MZF1: variants seen among roughly 807,000 people sequenced by gnomAD.
The protein encoded by MZF1 is myeloid zinc finger 1, also known as zinc finger and SCAN domain-containing protein 6.
In MZF1, 24 loss-of-function variants were observed where a neutral mutation model predicts 28.6. The ratio of observed to expected loss-of-function variants is 0.84; its 90% CI spans 0.61 to 1.18. MZF1 has a LOEUF of 1.18. MZF1 is among the 50% of genes most tolerant of loss of function. The probability of loss-of-function intolerance (pLI) is 0.00; values close to 1 mark genes in which losing one functional copy is unlikely to be tolerated. For missense variants in MZF1, 1,166 were observed against 1,026.4 expected (o/e 1.14, Z -1.86); for synonymous variants, 516 against 432.5 (o/e 1.19, Z -2.40).
At position 58,570,504 on chromosome 19, in the gene MZF1, C is replaced by T; in HGVS notation, c.420G>A (p.Gln140=). ...GCTCCATCTTCTCTGATAGGACCTC[C>T]TGGCCCTGCACCTGGACTGTGACCT... ...RRWVTVQVQG[Q]EVLSEKMEPS... Residue 140 remains glutamine, a synonymous_variant, in exon 3 of 6, where the codon CAG becomes CAA. Transcript: ENST00000215057. 1 of 1,613,488 alleles carries T rather than the reference C, an allele frequency of 6.2e-7. No homozygotes were observed. Among genetic ancestry groups the T allele is most frequent in the Non-Finnish European group, 8.5e-7 (1 of 1,179,622 alleles).
At chr19:58,568,133 T>C (rs560512479) in intron 5 of MZF1, 2 of 152,222 alleles carry the variant, frequency 1.3e-5, no homozygotes, top group East Asian at 3.9e-4. Flanking sequence ...CAGTCCCAGA[T>C]ACTTGGGAGG....
intron 5 of MZF1, among the ~76,000 whole-genome samples, chr19:58,565,531 G>C (rs946665347): frequency 6.8e-6 from 1 of 147,776 alleles, no homozygotes; most frequent in Non-Finnish European, 1.5e-5. Context: ...CGCCCAGCCC[G>C]TGTGTGTGTG....
In MZF1 at chr19:58,571,445, G is replaced by C. The variant is rs752949451; in HGVS notation, c.-40-16C>G. 8 of 1,601,062 alleles carry C rather than the reference G, an allele frequency of 5.0e-6. No homozygotes were observed. In the African/African-American group the frequency reaches 1.1e-4, roughly 21 times the overall value. Reference sequence around the variant, plus strand: ...GTGTCTGCCCCTGGTGAAGAAATAGGATGAGGCTGTTGCAAAAGGAGTACA... The same window carrying C: ...GTGTCTGCCCCTGGTGAAGAAATAGCATGAGGCTGTTGCAAAAGGAGTACA... On this transcript the variant is annotated splice_polypyrimidine_tract_variant and intron_variant, in intron 1 of 5. Transcript: ENST00000215057.
At chr19:58,566,049 G>C (rs1051293525) in intron 5 of MZF1, among the ~76,000 whole-genome samples, 20 of 151,740 alleles carry the variant, frequency 1.3e-4, no homozygotes, top group African/African-American at 4.8e-4. Context: ...GCTGAGGCAG[G>C]AGAATGTCGT....
rs905991229 is a variant in MZF1 at position 58,562,765 on chromosome 19, C to T, written c.1512G>A (p.Gln504=). Residue 504 remains glutamine, a synonymous_variant, in exon 6 of 6, where the codon CAG becomes CAA. Transcript: ENST00000215057. ...FARRAVLLEH[Q]AVHTGDKSFG... is the part of the protein sequence containing the mutation. Reference sequence around the variant, plus strand: ...AGGACTTGTCGCCCGTGTGTACCGCCTGGTGCTCCAGCAGCACGGCGCGCC... The same window carrying T: ...AGGACTTGTCGCCCGTGTGTACCGCTTGGTGCTCCAGCAGCACGGCGCGCC... 3.3e-6 allele frequency: 5 copies of T among 1,535,722 alleles called. No individual in the cohort carries two copies. Among genetic ancestry groups the T allele is most frequent in the Non-Finnish European group, 4.4e-6 (5 of 1,146,990 alleles).
At chr19:58,564,344 A>T (rs1386492201) in intron 5 of MZF1, 3 of 152,230 alleles carry the variant, frequency 2.0e-5, no homozygotes, top group African/African-American at 7.2e-5. Flanking sequence ...AAAAAAAATT[A>T]AAAAAGGACA....
rs754088128 is a variant in MZF1, at chr19:58,570,977, C to T, written c.396+17G>A. 3.0e-5 allele frequency: 48 copies of T among 1,589,220 alleles called. No individual in the cohort carries two copies. Among genetic ancestry groups the T allele is most frequent in the Non-Finnish European group, 3.9e-5 (46 of 1,166,932 alleles). ...TGATGCTCCAGTCCTGAACCCCACT[C>T]GTGGACACTCACTCACCCATCTCCG... On this transcript the variant is annotated intron_variant, in intron 2 of 5. Coordinates refer to ENST00000215057, the MANE Select transcript of MZF1 (RefSeq NM_198055.2).
chr19:58,570,110 A>T (rs2054130241), intron 3 of MZF1: 1 of 463,962 alleles, frequency 2.2e-6, no homozygotes, highest in African/African-American at 2.0e-5. Context: ...GCTCCATGCC[A>T]TGGGGTTCGT....
rs757712069 is a variant in MZF1 at position 58,571,227 on chromosome 19, C to T, written c.163G>A (p.Ala55Thr). 1 of 1,612,566 alleles carries T rather than the reference C, an allele frequency of 6.2e-7. No individual in the cohort carries two copies. Among genetic ancestry groups the T allele is most frequent in the South Asian group, 1.1e-5 (1 of 90,906 alleles). ...GCCAGGGCCTCTTGGGGCCCTGTGG[C>T]CTCCTCATAGCGGAAGCACCGGAAA... ...LRFRCFRYEE[A>T]TGPQEALAQL... The change falls in exon 2 of 6, where the codon GCC becomes ACC. Residue 55 changes from alanine (A) to threonine (T), a missense_variant. Coordinates refer to ENST00000215057, the MANE Select transcript of MZF1 (RefSeq NM_198055.2).
intron 1 of MZF1, chr19:58,572,594 G>A (rs1342351864): frequency 3.1e-6 from 4 of 1,289,756 alleles, no homozygotes; most frequent in Non-Finnish European, 4.0e-6. Flanking sequence ...CTTTAGGAAG[G>A]AATCTGCGTT....
intron 5 of MZF1, among the ~76,000 whole-genome samples, chr19:58,565,392 C>A (rs2054028222): frequency 1.4e-5 from 2 of 146,500 alleles, no homozygotes; most frequent in South Asian, 4.1e-4. Flanking sequence ...CCGCACCTAG[C>A]CAATTTTTTG....
Position 58,562,159 on chromosome 19 carries a change from C to T in MZF1, c.2118G>A (p.Glu706=), listed in dbSNP as rs1317803780. ...LTQHLRTHRR[E]KPFACQDCGR... ...CACAGTCCTGGCAGGCGAAGGGCTT[C>T]TCTCGTCGGTGGGTGCGCAGATGCT... The change falls in exon 6 of 6, where the codon GAG becomes GAA. Residue 706 remains glutamate (E), a synonymous_variant. Coordinates refer to ENST00000215057, the MANE Select transcript of MZF1 (RefSeq NM_198055.2). 5.0e-6 allele frequency: 8 copies of T among 1,594,462 alleles called. No individual in the cohort carries two copies. The highest frequency in any genetic ancestry group is 6.8e-6 in the Non-Finnish European group (8 of 1,173,590).
In MZF1 at chr19:58,573,204, C is replaced by G. The variant is rs1440978218; in HGVS notation, c.-190G>C. 1 of 153,714 alleles carries G rather than the reference C, an allele frequency of 6.5e-6. No homozygotes were observed. Among genetic ancestry groups the G allele is most frequent in the African/African-American group, 2.4e-5 (1 of 41,446 alleles). The allele number at this position is 153,714 out of a possible 1,614,324, so 9.5% of individuals were successfully genotyped here. ...ACCCTCGTCCCCGTTTCTACACCCTCTCCTCCCTTCCCCTAGCGGTGGTCG... is the reference window on the plus strand; with the variant it reads ...ACCCTCGTCCCCGTTTCTACACCCTGTCCTCCCTTCCCCTAGCGGTGGTCG... On this transcript the variant is annotated 5_prime_UTR_variant, in exon 1 of 6. Coordinates refer to ENST00000215057, the MANE Select transcript of MZF1 (RefSeq NM_198055.2).
At chr19:58,570,551 G>T (rs1206637520) in intron 2 of MZF1, 24 bp from the exon 3 acceptor site, 6 of 1,604,850 alleles carry the variant, frequency 3.7e-6, no homozygotes, top group Non-Finnish European at 5.1e-6. Context: ...CCCACCATCA[G>T]AAGTCCTACC....
intron 2 of MZF1, 72 bp downstream of exon 2, chr19:58,570,922 T>C: frequency 6.8e-7 from 1 of 1,476,722 alleles, no homozygotes. Context: ...TGGCAAAGCG[T>C]GGTGCTGCCC....
At position 58,562,595 on chromosome 19, in the gene MZF1, C is replaced by G; in HGVS notation, c.1682G>C (p.Arg561Pro). The part of the protein sequence containing the change: ...RQRSNLTQHR[R>P]IHTGERPFAC... ...GAAGGGCCGCTCCCCGGTGTGGATGCGCCGGTGCTGCGTCAGGTTGGAGCG... is the reference window on the plus strand; with the variant it reads ...GAAGGGCCGCTCCCCGGTGTGGATGGGCCGGTGCTGCGTCAGGTTGGAGCG... The change falls in exon 6 of 6, where the codon CGC (arginine) becomes CCC (proline). Residue 561 changes from arginine (R) to proline (P), a missense_variant. Physicochemically the swap from Arg to Pro is moderately radical, Grantham distance 103 (BLOSUM62 -2). Transcript: ENST00000215057. 1.3e-6 allele frequency: 2 copies of G among 1,585,318 alleles called. No homozygotes were observed. The highest frequency in any genetic ancestry group is 1.7e-6 in the Non-Finnish European group (2 of 1,169,296).
rs1227642967 is a variant in MZF1, at chr19:58,562,418, G to A, written c.1859C>T (p.Thr620Ile). The A allele has an allele frequency of 3.7e-5, 59 of 1,610,528 alleles. No homozygotes were observed. Among genetic ancestry groups the A allele is most frequent in the Non-Finnish European group, 4.8e-5 (56 of 1,178,792 alleles). ...ACCGCAGTGGTAGGGCTTTTCGCCG[G>A]TGTGTGTCCTCTGATGACGCGTGAG... ...LKLTRHQRTH[T>I]GEKPYHCGEC... The change falls in exon 6 of 6, where the codon ACC becomes ATC. Residue 620 changes from threonine (T) to isoleucine (I), a missense_variant. Transcript: ENST00000215057.
rs759702535 is a variant in MZF1 at position 58,571,099 on chromosome 19, G to A, written c.291C>T (p.Pro97=). The A allele has an allele frequency of 8.1e-6, 13 of 1,613,768 alleles. No homozygotes were observed. In the Admixed American group the frequency reaches 1.7e-4, roughly 21 times the overall value. The change falls in exon 2 of 6, where the codon CCC becomes CCT. Residue 97 remains proline (P), a synonymous_variant. Coordinates refer to ENST00000215057, the MANE Select transcript of MZF1 (RefSeq NM_198055.2). ...LVLEQFLGAL[P]PEIQARVQGQ... ...CCTGCACACGGGCCTGGATCTCAGG[G>A]GGCAGTGCGCCCAGGAACTGCTCCA...
chr19:58,571,002 G>C lies in MZF1; in HGVS notation c.388C>G (p.Arg130Gly), dbSNP rs745598986. Reference sequence around the variant, plus strand: ...CGTGGACACTCACTCACCCATCTCCGGGGTCCGCCCGGCTCCCGGCGCAGC... The same window carrying C: ...CGTGGACACTCACTCACCCATCTCCCGGGTCCGCCCGGCTCCCGGCGCAGC... ...DGLRREPGGP[R>G]RWVTVQVQGQ... is the part of the protein sequence containing the mutation. The change falls in exon 2 of 6, where the codon CGG (arginine) becomes GGG (glycine). Residue 130 changes from arginine (R) to glycine (G), a missense_variant. Arg to Gly is a moderately radical substitution (Grantham distance 125). Coordinates refer to ENST00000215057, the MANE Select transcript of MZF1 (RefSeq NM_198055.2). The C allele has an allele frequency of 1.2e-6, 2 of 1,605,950 alleles. No individual in the cohort carries two copies. Among genetic ancestry groups the C allele is most frequent in the South Asian group, 1.1e-5 (1 of 90,570 alleles).
Sources: allele counts gnomAD v4.1 joint callset (sites outside exome capture counted in the v4.1 genomes callset), GRCh38; gene constraint gnomAD v4.1.1; transcripts MANE v1.5; gene names NCBI Gene and HGNC (gene_info 2026-07-23, HGNC 2026-07-21).